Variants in ANK3 observed in about 807,000 individuals in gnomAD.
ANK3 encodes the protein ankyrin-3.
ANK3 carries 57 observed loss-of-function variants against 370.9 expected under a neutral mutation model. The observed-to-expected ratio is 0.15, with a 90% CI of 0.12 to 0.19. The LOEUF is 0.19. ANK3 is among the 10% of genes least tolerant of loss of function. The pLI is 1.00. For synonymous variants in ANK3, 1,929 were observed against 1,946.3 expected (o/e 0.99, Z 0.23); for missense variants, 4,439 against 5,302.1 (o/e 0.84, Z 5.06).
rs2085719859 is a variant in ANK3, at chr10:60,083,163, A to T, written c.4200+329T>A. Among the ~76,000 whole-genome samples, 3 of 152,238 alleles carry T rather than the reference A, an allele frequency of 2.0e-5. No individual in the cohort carries two copies. In the South Asian group the frequency reaches 6.2e-4, roughly 32 times the overall value. ...CCACCAGAAATGAAAATGAAACTTG[A>T]ATACTGTATTTGCATTTCATCCATT... On this transcript the variant is annotated intron_variant, in intron 33 of 43. Coordinates refer to ENST00000280772, the MANE Select transcript of ANK3 (RefSeq NM_020987.5).
At chr10:60,482,387 T>C (rs10761505) in intron 2 of ANK3, among the ~76,000 whole-genome samples, 57,581 of 152,026 alleles carry the variant, frequency 0.38, 11,488 homozygotes, top group Non-Finnish European at 0.45. Context: ...ATATTGCCAG[T>C]TTCTCCTTCA....
Position 60,279,716 on chromosome 10 carries a change from C to A in ANK3, c.115-77G>T, listed in dbSNP as rs1566211762. 4 of 1,061,908 alleles carry A rather than the reference C, an allele frequency of 3.8e-6. No homozygotes were observed. The South Asian group carries it at 4.3e-5, about 11-fold the overall frequency. The allele number at this position is 1,061,908 out of a possible 1,614,324, so 65.8% of individuals were successfully genotyped here. A position where few individuals can be genotyped will look rare whatever the true frequency, so the allele number is the denominator to read the frequency against. Reference sequence around the variant, plus strand: ...TTTATAAACTATCCAGCTTAAGGTCCAAACTAAAATAATTGAACTCTTTTA... The same window carrying A: ...TTTATAAACTATCCAGCTTAAGGTCAAAACTAAAATAATTGAACTCTTTTA... On this transcript the variant is annotated intron_variant, in intron 1 of 43. Coordinates refer to ENST00000280772, the MANE Select transcript of ANK3 (RefSeq NM_020987.5).
At chr10:60,195,077 CA>C (rs2096562738) in intron 16 of ANK3, among the ~76,000 whole-genome samples, 1 of 152,084 alleles carries the variant, frequency 6.6e-6, no homozygotes, top group South Asian at 2.1e-4. Flanking sequence ...CATGGATTAG[CA>C]AATCAAAGAT....
intron 7 of ANK3, among the ~76,000 whole-genome samples, chr10:60,257,175 T>C (rs1025888176): frequency 2.6e-5 from 4 of 152,246 alleles, no homozygotes; most frequent in African/African-American, 9.6e-5. Context: ...GCTCTCATTT[T>C]ATCCAAACAT....
At chr10:60,057,709 T>A (rs1564668690) in intron 41 of ANK3, among the ~76,000 whole-genome samples, 1 of 152,246 alleles carries the variant, frequency 6.6e-6, no homozygotes, top group African/African-American at 2.4e-5. Context: ...TTTTTCTATA[T>A]AATTCACTGG....
At chr10:60,187,000 G>A in intron 16 of ANK3, 88 bp from the exon 17 acceptor site, 14 of 1,306,478 alleles carry the variant, frequency 1.1e-5, no homozygotes, top group Non-Finnish European at 1.5e-5. Context: ...TCTCTTTCTA[G>A]TGGTTTTCTA....
chr10:60,688,532 T>C (rs1589029187), intron 1 of ANK3, among the ~76,000 whole-genome samples: 1 of 152,346 alleles, frequency 6.6e-6, no homozygotes, highest in East Asian at 1.9e-4. Flanking sequence ...AAAATTGATA[T>C]AGCTAGATTT....
chr10:60,402,480 A>G (rs540880482), intron 2 of ANK3, among the ~76,000 whole-genome samples: 5 of 152,334 alleles, frequency 3.3e-5, no homozygotes, highest in African/African-American at 4.8e-5. Flanking sequence ...ATGCCTTAAC[A>G]TGCAGGAGAC....
intron 2 of ANK3, among the ~76,000 whole-genome samples, chr10:60,532,402 G>T (rs2076626039): frequency 6.6e-6 from 1 of 152,110 alleles, no homozygotes; most frequent in South Asian, 2.1e-4. Flanking sequence ...AAATTGAGTG[G>T]CAAGGGTCCA....
At chr10:60,671,610 G>A (rs2079065072) in intron 1 of ANK3, among the ~76,000 whole-genome samples, 1 of 152,224 alleles carries the variant, frequency 6.6e-6, no homozygotes, top group South Asian at 2.1e-4. Context: ...TCAGGAATGT[G>A]TGCCTATATG....
chr10:60,433,742 T>C (rs1191427304), intron 2 of ANK3, among the ~76,000 whole-genome samples: 4 of 152,164 alleles, frequency 2.6e-5, no homozygotes, highest in Non-Finnish European at 5.9e-5. Flanking sequence ...TTTACAATAT[T>C]TTAGAAAAAC....
intron 25 of ANK3, among the ~76,000 whole-genome samples, chr10:60,120,253 T>G (rs1371836868): frequency 2.0e-5 from 3 of 152,058 alleles, no homozygotes; most frequent in Admixed American, 2.0e-4. Context: ...GAAAATCAGA[T>G]AGCCATATGC....
At chr10:60,030,732 T>C (rs2073286843) in intron 43 of ANK3, among the ~76,000 whole-genome samples, 1 of 152,182 alleles carries the variant, frequency 6.6e-6, no homozygotes, top group Non-Finnish European at 1.5e-5. Context: ...TTTGAGTGGT[T>C]CCTCCTGTCT....
intron 41 of ANK3, 81 bp downstream of exon 41, chr10:60,059,259 T>C (rs555451784): frequency 1.1e-4 from 128 of 1,200,122 alleles, no homozygotes; most frequent in Non-Finnish European, 1.5e-4. Flanking sequence ...TTAGAAGAAG[T>C]CACCACTAAA....
chr10:60,695,450 T>G (rs1463686501), intron 1 of ANK3, among the ~76,000 whole-genome samples: 2 of 152,102 alleles, frequency 1.3e-5, no homozygotes, highest in Non-Finnish European at 2.9e-5. Context: ...GAATATACAT[T>G]TTTTTCAGCA....
chr10:60,660,081 T>G (rs2078916582), intron 1 of ANK3, among the ~76,000 whole-genome samples: 1 of 152,122 alleles, frequency 6.6e-6, no homozygotes, highest in Non-Finnish European at 1.5e-5. Context: ...TTTTTCCTTG[T>G]GAACTCCCTG....
At position 60,321,399 on chromosome 10, in the gene ANK3, GAAGAAAAGAA is replaced by G. The variant is rs71015788; in HGVS notation, c.115-41770_115-41761del. Reference sequence around the variant, plus strand: ...AAGAAAGAAAAAAGAAAAGAGAAGAGAAGAAAAGAAAAGAAAAGAAAAGAAAAGAAAAGAA... The same window carrying G: ...AAGAAAGAAAAAAGAAAAGAGAAGAGAAGAAAAGAAAAGAAAAGAAAAGAA... On this transcript the variant is annotated intron_variant, in intron 1 of 43. Coordinates refer to ENST00000280772, the MANE Select transcript of ANK3 (RefSeq NM_020987.5). 4.5e-3 allele frequency among the ~76,000 whole-genome samples: 654 copies of G among 145,546 alleles called. 3 individuals carry two copies. Among genetic ancestry groups the G allele is most frequent in the Middle Eastern group, 0.032 (9 of 282 alleles).
intron 2 of ANK3, among the ~76,000 whole-genome samples, chr10:60,490,894 CTCCA>C (rs1486746401): frequency 1.3e-5 from 2 of 152,152 alleles, no homozygotes; most frequent in African/African-American, 2.4e-5. Context: ...TATAGAGCAT[CTCCA>C]TCCCTCAAGA....
At chr10:60,143,023 AAAGT>A (rs1415139345) in intron 23 of ANK3, among the ~76,000 whole-genome samples, 21 of 152,324 alleles carry the variant, frequency 1.4e-4, no homozygotes, top group Admixed American at 9.2e-4. Context: ...AATAATGCAC[AAAGT>A]AAGGGCTTAA....
Sources: allele counts gnomAD v4.1 joint callset (sites outside exome capture counted in the v4.1 genomes callset), GRCh38; gene constraint gnomAD v4.1.1; transcripts MANE v1.5; gene names NCBI Gene and HGNC (gene_info 2026-07-23, HGNC 2026-07-21).